Variants in KIRREL3 observed in about 807,000 individuals in gnomAD.
The protein encoded by KIRREL3 is kirre like nephrin family adhesion molecule 3.
A neutral mutation model predicts 89.7 loss-of-function variants in KIRREL3; 36 were observed. That is an observed-to-expected ratio of 0.40 (90% CI 0.31 to 0.53). KIRREL3 has a LOEUF of 0.53. Among genes scored for constraint, KIRREL3 ranks in the 20% least tolerant of loss-of-function variants. The pLI, the probability that KIRREL3 is intolerant of heterozygous loss-of-function variation, is 0.49. For synonymous variants in KIRREL3, 445 were observed against 441.4 expected, an observed-to-expected ratio of 1.01 and a Z score of -0.10; for missense variants, 864 against 1,056.6, an observed-to-expected ratio of 0.82 and a Z score of 2.53.
In KIRREL3 at chr11:126,812,799, T is replaced by G. The variant is rs757724307; in HGVS notation, c.55+187656A>C. Among the ~76,000 whole-genome samples the G allele has an allele frequency of 2.0e-5, 3 of 152,104 alleles. No homozygotes were observed. Among genetic ancestry groups the G allele is most frequent in the Non-Finnish European group, 4.4e-5 (3 of 68,006 alleles). On this transcript the variant is annotated intron_variant, in intron 1 of 16. Transcript: ENST00000525144. This position sits in a 1 kb window ranked among gnomAD's most constrained non-coding sequence, Gnocchi z 5.2. ...CAATCAACTTCTACAATGATCCAAT[T>G]TCTGGGTCTGGCTCTGTTTCTCTAT...
At chr11:126,512,874 G>A (rs1300982591) in intron 4 of KIRREL3, among the ~76,000 whole-genome samples, 1 of 152,204 alleles carries the variant, frequency 6.6e-6, no homozygotes, top group Non-Finnish European at 1.5e-5. Context: ...AACCCGTGAA[G>A]TGGGTTTAAC....
At chr11:126,437,041 C>T (rs971123496) in intron 11 of KIRREL3, 32 bp from the exon 12 acceptor site, 12 of 1,481,916 alleles carry the variant, frequency 8.1e-6, no homozygotes, top group Non-Finnish European at 1.1e-5. Context: ...GGAGGAGACC[C>T]CACCAGAGGG....
In KIRREL3 at chr11:126,752,032, C is replaced by G. The variant is rs1949352211; in HGVS notation, c.56-189120G>C. On this transcript the variant is annotated intron_variant, in intron 1 of 16. Transcript: ENST00000525144. The surrounding 1 kb of genome is among the most constrained non-coding windows in gnomAD (Gnocchi z 4.8). Reference sequence around the variant, plus strand: ...ATGTAGAGTTTAGAGTAAGAAAGAACTGGCTTCAAATTCCAGCTCTGCCTT... The same window carrying G: ...ATGTAGAGTTTAGAGTAAGAAAGAAGTGGCTTCAAATTCCAGCTCTGCCTT... 6.6e-6 allele frequency among the ~76,000 whole-genome samples: 1 copy of G among 152,152 alleles called. No homozygotes were observed. The highest frequency in any genetic ancestry group is 1.5e-5 in the Non-Finnish European group (1 of 68,020).
chr11:126,820,265 C>T (rs895086054), intron 1 of KIRREL3, among the ~76,000 whole-genome samples: 2 of 151,966 alleles, frequency 1.3e-5, no homozygotes, highest in Non-Finnish European at 2.9e-5. Context: ...TGCAGAGTTG[C>T]GAGGCCTGCT....
chr11:126,478,118 C>T (rs1957116513), intron 4 of KIRREL3, among the ~76,000 whole-genome samples: 1 of 152,244 alleles, frequency 6.6e-6, no homozygotes, highest in South Asian at 2.1e-4. Flanking sequence ...CCCACTGCGT[C>T]TCTGCTGCTC....
Position 126,771,266 on chromosome 11 carries a change from T to A in KIRREL3, c.56-208354A>T, listed in dbSNP as rs537234474. 2.0e-5 allele frequency among the ~76,000 whole-genome samples: 3 copies of A among 151,990 alleles called. No homozygotes were observed. The highest frequency in any genetic ancestry group is 3.9e-4 in the East Asian group (2 of 5,182). On this transcript the variant is annotated intron_variant, in intron 1 of 16. Transcript: ENST00000525144. This position sits in a 1 kb window ranked among gnomAD's most constrained non-coding sequence, Gnocchi z 4.4. ...TTTATTCCCTTACTGTTTTTTTTTT[T>A]AAACAGATGAGGAAACCGAGGCTTA... is the stretch of plus-strand genomic sequence containing the variant.
At chr11:126,654,088 A>T (rs1258698668) in intron 1 of KIRREL3, among the ~76,000 whole-genome samples, 1 of 152,152 alleles carries the variant, frequency 6.6e-6, no homozygotes, top group Non-Finnish European at 1.5e-5. Context: ...CTCTGGACAC[A>T]TGAATTTCTA....
At chr11:126,494,975 G>A (rs1419713532) in intron 4 of KIRREL3, among the ~76,000 whole-genome samples, 8 of 152,228 alleles carry the variant, frequency 5.3e-5, no homozygotes, top group Non-Finnish European at 8.8e-5. Context: ...GTGAGCAGAC[G>A]CTCCTGTAGG....
At position 126,811,582 on chromosome 11, in the gene KIRREL3, C is replaced by CT. The variant is rs1040537280; in HGVS notation, c.55+188872dup. Among the ~76,000 whole-genome samples, 3 of 152,068 alleles carry CT rather than the reference C, an allele frequency of 2.0e-5. No homozygotes were observed. The highest frequency in any genetic ancestry group is 4.8e-5 in the African/African-American group (2 of 41,404). ...AGCATGCAACGTTAGCAATGAACTT[C>CT]TTTTTTTTCTTTTTCTTTTTTGAGA... is the stretch of plus-strand genomic sequence containing the variant. On this transcript the variant is annotated intron_variant, in intron 1 of 16. Coordinates refer to ENST00000525144, the MANE Select transcript of KIRREL3 (RefSeq NM_032531.4). This position sits in a 1 kb window ranked among gnomAD's most constrained non-coding sequence, Gnocchi z 4.3.
intron 9 of KIRREL3, among the ~76,000 whole-genome samples, chr11:126,445,827 T>G (rs978893642): frequency 2.0e-5 from 3 of 152,180 alleles, no homozygotes; most frequent in Non-Finnish European, 4.4e-5. Context: ...CAATCTCTTA[T>G]GCACTGAAGA....
At position 126,645,558 on chromosome 11, in the gene KIRREL3, G is replaced by T. The variant is rs1944634040; in HGVS notation, c.56-82646C>A. ...AAATCAGAATATGCACTTGAACTGG[G>T]CTACAGTGTTCCACCAGAGGCCTTC... On this transcript the variant is annotated intron_variant, in intron 1 of 16. Coordinates refer to ENST00000525144, the MANE Select transcript of KIRREL3 (RefSeq NM_032531.4). The surrounding 1 kb of genome is among the most constrained non-coding windows in gnomAD (Gnocchi z 4.9). Among the ~76,000 whole-genome samples, 1 of 152,176 alleles carries T rather than the reference G, an allele frequency of 6.6e-6. No individual in the cohort carries two copies. The highest frequency in any genetic ancestry group is 1.5e-5 in the Non-Finnish European group (1 of 68,044).
intron 1 of KIRREL3, among the ~76,000 whole-genome samples, chr11:126,728,635 A>G (rs10893556): frequency 0.34 from 51,803 of 152,042 alleles, 9,197 homozygotes; most frequent in Non-Finnish European, 0.39. Flanking sequence ...GGCCCACAGG[A>G]ACCTGGACCA....
At chr11:126,853,534 T>C (rs1340601790) in intron 1 of KIRREL3, among the ~76,000 whole-genome samples, 1 of 152,250 alleles carries the variant, frequency 6.6e-6, no homozygotes, top group Non-Finnish European at 1.5e-5. Flanking sequence ...TTTATCATTT[T>C]GTCAATTTTA....
chr11:126,802,783 C>T lies in KIRREL3; in HGVS notation c.55+197672G>A, dbSNP rs1043693931. On this transcript the variant is annotated intron_variant, in intron 1 of 16. Transcript: ENST00000525144. The surrounding 1 kb of genome is among the most constrained non-coding windows in gnomAD (Gnocchi z 5.2). ...ATCTTTTTCAAAATGCTTAACATTA[C>T]GAGTATTTTGGTCTTTGTTTAGTTC... Among the ~76,000 whole-genome samples, 6 of 152,148 alleles carry T rather than the reference C, an allele frequency of 3.9e-5. No homozygotes were observed. The highest frequency in any genetic ancestry group is 3.9e-4 in the Admixed American group (6 of 15,284).
Position 126,612,277 on chromosome 11 carries a change from C to A in KIRREL3, c.56-49365G>T, listed in dbSNP as rs1396875798. On this transcript the variant is annotated intron_variant, in intron 1 of 16. Coordinates refer to ENST00000525144, the MANE Select transcript of KIRREL3 (RefSeq NM_032531.4). This position sits in a 1 kb window ranked among gnomAD's most constrained non-coding sequence, Gnocchi z 4.5. ...AGAATTTGAGTATTATATGGACACC[C>A]TTGGCATATAATAAATGCTCCCTCA... Among the ~76,000 whole-genome samples the A allele has an allele frequency of 6.6e-6, 1 of 151,990 alleles. No individual in the cohort carries two copies. The highest frequency in any genetic ancestry group is 6.6e-5 in the Admixed American group (1 of 15,252).
In KIRREL3 at chr11:126,744,467, G is replaced by A. The variant is rs370847932; in HGVS notation, c.56-181555C>T. Reference sequence around the variant, plus strand: ...GGGGACAAGGAAATGGAGAGGTGGCGCAGGTGCGAAATGTATCTTGATGGA... The same window carrying A: ...GGGGACAAGGAAATGGAGAGGTGGCACAGGTGCGAAATGTATCTTGATGGA... On this transcript the variant is annotated intron_variant, in intron 1 of 16. Transcript: ENST00000525144. This position sits in a 1 kb window ranked among gnomAD's most constrained non-coding sequence, Gnocchi z 4.7. 1.6e-4 allele frequency among the ~76,000 whole-genome samples: 24 copies of A among 152,204 alleles called. No individual in the cohort carries two copies. Among genetic ancestry groups the A allele is most frequent in the African/African-American group, 4.3e-4 (18 of 41,442 alleles).
At chr11:126,572,280 T>C (rs2134630557) in intron 1 of KIRREL3, among the ~76,000 whole-genome samples, 1 of 152,318 alleles carries the variant, frequency 6.6e-6, no homozygotes, top group East Asian at 1.9e-4. Flanking sequence ...GGCCAAGATC[T>C]TTGCAAAGCC....
chr11:126,970,157 ATTCT>A lies in KIRREL3; in HGVS notation c.55+30294_55+30297del, dbSNP rs1440514371. On this transcript the variant is annotated intron_variant, in intron 1 of 16. Transcript: ENST00000525144. The surrounding 1 kb of genome is among the most constrained non-coding windows in gnomAD (Gnocchi z 4.4). ...CAGGGATATATCATGCATTTGAAAA[ATTCT>A]TTCTTCTTTCAGTTTTTCGCTCTTC... 6.6e-6 allele frequency among the ~76,000 whole-genome samples: 1 copy of A among 152,068 alleles called. No homozygotes were observed. Among genetic ancestry groups the A allele is most frequent in the Admixed American group, 6.5e-5 (1 of 15,270 alleles).
At position 126,817,127 on chromosome 11, in the gene KIRREL3, G is replaced by A. The variant is rs2040338; in HGVS notation, c.55+183328C>T. Among the ~76,000 whole-genome samples the A allele has an allele frequency of 0.86, 131,428 of 152,178 alleles. 57,099 individuals are homozygous for A. Among genetic ancestry groups the A allele is most frequent in the East Asian group, 1 (5,180 of 5,186 alleles). On this transcript the variant is annotated intron_variant, in intron 1 of 16. Coordinates refer to ENST00000525144, the MANE Select transcript of KIRREL3 (RefSeq NM_032531.4). This position sits in a 1 kb window ranked among gnomAD's most constrained non-coding sequence, Gnocchi z 5.7. Reference sequence around the variant, plus strand: ...ACTATTAAAATTAATAGGAAAGATAGAAAAATTAAGCAGCTGGACCATGGA... The same window carrying A: ...ACTATTAAAATTAATAGGAAAGATAAAAAAATTAAGCAGCTGGACCATGGA...
Sources: gnomAD v4.1 joint callset for allele counts (sites outside exome capture counted in the v4.1 genomes callset) on GRCh38, gnomAD v4.1.1 for gene constraint, Gnocchi (gnomAD v3.1) non-coding constraint, MANE v1.5 for transcripts, NCBI Gene and HGNC (gene_info 2026-07-23, HGNC 2026-07-21) for gene names.